Variants in AGBL4 observed in about 807,000 individuals in gnomAD.
The protein encoded by AGBL4 is cytosolic carboxypeptidase 6.
In AGBL4, 58 loss-of-function variants were observed where a neutral mutation model predicts 66.4. The observed-to-expected ratio is 0.87, with a 90% CI of 0.71 to 1.09. AGBL4 has a LOEUF of 1.09. Among genes scored for constraint, AGBL4 ranks in the 50% least tolerant of loss-of-function variants. The pLI is 0.00. For synonymous variants in AGBL4, 234 were observed against 222.9 expected (o/e 1.05, Z -0.44); for missense variants, 579 against 631.0 (o/e 0.92, Z 0.88).
At chr1:48,561,126 G>T (rs1644390871) in intron 11 of AGBL4, among the ~76,000 whole-genome samples, 1 of 152,208 alleles carries the variant, frequency 6.6e-6, no homozygotes, top group African/African-American at 2.4e-5. Flanking sequence ...CTTCAACAAA[G>T]TGAAAGTACC....
intron 6 of AGBL4, among the ~76,000 whole-genome samples, chr1:48,862,067 C>T (rs1363427594): frequency 6.6e-6 from 1 of 152,160 alleles, no homozygotes; most frequent in Non-Finnish European, 1.5e-5. Flanking sequence ...CAAGGAACTC[C>T]TTCCCACCAG....
chr1:50,003,958 A>C (rs2148424283), intron 1 of AGBL4, among the ~76,000 whole-genome samples: 1 of 152,324 alleles, frequency 6.6e-6, no homozygotes, highest in East Asian at 1.9e-4. Flanking sequence ...CACCTTAATA[A>C]GAATCAAAAA....
At chr1:48,618,202 C>T (rs1645351192) in intron 9 of AGBL4, among the ~76,000 whole-genome samples, 1 of 152,166 alleles carries the variant, frequency 6.6e-6, no homozygotes, top group Non-Finnish European at 1.5e-5. Flanking sequence ...GACCTTGTCT[C>T]TTAAAACAAA....
intron 4 of AGBL4, among the ~76,000 whole-genome samples, chr1:49,157,770 T>C (rs1315524469): frequency 6.6e-6 from 1 of 152,202 alleles, no homozygotes; most frequent in Non-Finnish European, 1.5e-5. Flanking sequence ...ATGATTGCCA[T>C]TCTAACTGGC....
intron 3 of AGBL4, among the ~76,000 whole-genome samples, chr1:49,622,938 T>C (rs1645395951): frequency 1.3e-5 from 2 of 152,344 alleles, no homozygotes; most frequent in Middle Eastern, 3.4e-3. Flanking sequence ...TGGTGATATC[T>C]TTTCAGATTC....
chr1:49,817,944 T>C (rs1294013654), intron 2 of AGBL4, among the ~76,000 whole-genome samples: 3 of 152,170 alleles, frequency 2.0e-5, no homozygotes, highest in Non-Finnish European at 4.4e-5. Context: ...GATATCACTT[T>C]GTGCATGTGC....
chr1:48,957,896 C>T (rs1657616454), intron 5 of AGBL4, among the ~76,000 whole-genome samples: 1 of 152,178 alleles, frequency 6.6e-6, no homozygotes, highest in Non-Finnish European at 1.5e-5. Flanking sequence ...GAATCACTCT[C>T]CTCTGGTCAA....
chr1:49,449,035 G>C (rs893467374), intron 3 of AGBL4, among the ~76,000 whole-genome samples: 1 of 151,872 alleles, frequency 6.6e-6, no homozygotes, highest in Admixed American at 6.6e-5. Flanking sequence ...CTGAATAAAT[G>C]TAAAATGAAT....
intron 3 of AGBL4, among the ~76,000 whole-genome samples, chr1:49,274,773 C>A (rs1183551684): frequency 6.6e-6 from 1 of 152,074 alleles, no homozygotes; most frequent in Non-Finnish European, 1.5e-5. Context: ...ACATTCATGA[C>A]TATTGCTAGC....
intron 1 of AGBL4, among the ~76,000 whole-genome samples, chr1:49,948,317 T>C (rs1357035097): frequency 9.1e-6 from 1 of 109,694 alleles, no homozygotes; most frequent in Non-Finnish European, 1.7e-5. Flanking sequence ...AATATATATA[T>C]AAATATATAA....
intron 3 of AGBL4, among the ~76,000 whole-genome samples, chr1:49,377,387 T>C (rs556030623): frequency 9.9e-5 from 15 of 152,094 alleles, no homozygotes; most frequent in Non-Finnish European, 2.1e-4. Flanking sequence ...AGAAAATTAC[T>C]TCCAAAAATG....
Position 48,756,368 on chromosome 1 carries a change from T to G in AGBL4, c.635-93127A>C, listed in dbSNP as rs538897473. ...ATGGTTTTGTCCCTATGATGGCATT[T>G]ATGTACTGTGCTGTCATTGATTGTT... On this transcript the variant is annotated intron_variant, in intron 6 of 13. Coordinates refer to ENST00000371839, the MANE Select transcript of AGBL4 (RefSeq NM_032785.4). 6.5e-4 allele frequency among the ~76,000 whole-genome samples: 99 copies of G among 152,340 alleles called. No individual in the cohort carries two copies. In the South Asian group the frequency reaches 7.7e-3, roughly 12 times the overall value.
chr1:48,670,826 G>A (rs575013178), intron 6 of AGBL4, among the ~76,000 whole-genome samples: 129 of 152,346 alleles, frequency 8.5e-4, no homozygotes, highest in Admixed American at 2.2e-3. Context: ...CTGAAGTTAG[G>A]GTTCCTGGGA....
intron 2 of AGBL4, among the ~76,000 whole-genome samples, chr1:49,830,589 T>C (rs1201160275): frequency 1.3e-5 from 2 of 152,252 alleles, no homozygotes; most frequent in Non-Finnish European, 2.9e-5. Context: ...TTTCCTTTGC[T>C]GTGCAGAAGC....
chr1:49,216,356 C>G (rs1195322555), intron 4 of AGBL4, among the ~76,000 whole-genome samples: 1 of 151,990 alleles, frequency 6.6e-6, no homozygotes, highest in Non-Finnish European at 1.5e-5. Flanking sequence ...GATCCTAACA[C>G]ACAGATAGCA....
At chr1:48,808,028 G>T (rs1263494921) in intron 6 of AGBL4, among the ~76,000 whole-genome samples, 2 of 152,088 alleles carry the variant, frequency 1.3e-5, no homozygotes, top group Non-Finnish European at 2.9e-5. Flanking sequence ...ATTCGTTTAG[G>T]AGCAGCCCAT....
chr1:50,012,165 C>CAAAAAAAAA (rs34501869), intron 1 of AGBL4, among the ~76,000 whole-genome samples: 3 of 47,776 alleles, frequency 6.3e-5, no homozygotes, highest in Admixed American at 2.1e-4. Context: ...GACTCCGTCT[C>CAAAAAAAAA]AAAAAAAAAA....
At chr1:49,484,549 TA>T (rs1020189395) in intron 3 of AGBL4, among the ~76,000 whole-genome samples, 14 of 151,934 alleles carry the variant, frequency 9.2e-5, no homozygotes, top group Non-Finnish European at 4.4e-5. Flanking sequence ...TCTGAAAATT[TA>T]AACAATTGAA....
At chr1:49,095,236 T>C (rs1645073441) in intron 4 of AGBL4, among the ~76,000 whole-genome samples, 1 of 152,164 alleles carries the variant, frequency 6.6e-6, no homozygotes, top group Non-Finnish European at 1.5e-5. Flanking sequence ...GAAGAATCAA[T>C]ATTATGCAAA....
Sources: allele counts gnomAD v4.1 joint callset (sites outside exome capture counted in the v4.1 genomes callset), GRCh38; gene constraint gnomAD v4.1.1; transcripts MANE v1.5; gene names NCBI Gene and HGNC (gene_info 2026-07-23, HGNC 2026-07-21).